FGF14: variants seen among roughly 807,000 people sequenced by gnomAD.
FGF14 encodes fibroblast growth factor homologous factor 4.
FGF14 carries 5 observed loss-of-function variants against 25.5 expected under a neutral mutation model. The observed-to-expected ratio is 0.20, with a 90% confidence interval of 0.10 to 0.41. The LOEUF (loss-of-function observed/expected upper bound fraction) is 0.41. Ranked by LOEUF, FGF14 falls within the 10% of genes least tolerant of loss-of-function variation. The pLI is 1.00. For synonymous variants in FGF14, 138 were observed against 118.3 expected (o/e 1.17, Z -1.08); for missense variants, 222 against 320.1 (o/e 0.69, Z 2.34).
intron 1 of FGF14, among the ~76,000 whole-genome samples, chr13:102,172,833 G>A (rs994855599): frequency 3.3e-5 from 5 of 152,136 alleles, no homozygotes; most frequent in African/African-American, 1.2e-4. Flanking sequence ...TAGAGAGGTG[G>A]GGAGCCCCAG....
At chr13:101,857,362 G>C (rs911605826) in intron 3 of FGF14, among the ~76,000 whole-genome samples, 2 of 151,862 alleles carry the variant, frequency 1.3e-5, no homozygotes, top group Non-Finnish European at 2.9e-5. Context: ...AACCAATTAT[G>C]GTGCTTTTGT....
intron 1 of FGF14, among the ~76,000 whole-genome samples, chr13:102,398,414 TAATC>T (rs2058630164): frequency 6.6e-6 from 1 of 152,156 alleles, no homozygotes; most frequent in Non-Finnish European, 1.5e-5. Context: ...GAATTGGAAA[TAATC>T]AGTAAATTAT....
At position 101,826,230 on chromosome 13, in the gene FGF14, A is replaced by G. The variant is rs189236606; in HGVS notation, c.408+42495T>C. Among the ~76,000 whole-genome samples, 306 of 152,138 alleles carry G rather than the reference A, an allele frequency of 2.0e-3. 2 individuals are homozygous for G. The highest frequency in any genetic ancestry group is 7.0e-3 in the African/African-American group (289 of 41,536). ...TTTCTACCATTCTCTCAATGTTTCC[A>G]TATTTAAATACCATTTCACTAACCT... On this transcript the variant is annotated intron_variant, in intron 3 of 4. Transcript: ENST00000376143.
chr13:102,221,004 A>G (rs1299841918), intron 1 of FGF14, among the ~76,000 whole-genome samples: 1 of 152,250 alleles, frequency 6.6e-6, no homozygotes, highest in Non-Finnish European at 1.5e-5. Flanking sequence ...ACAGTTTAAG[A>G]GTACTCTGTA....
intron 3 of FGF14, among the ~76,000 whole-genome samples, chr13:101,811,079 G>A (rs985869238): frequency 1.5e-5 from 2 of 137,780 alleles, no homozygotes; most frequent in Admixed American, 8.2e-5. Context: ...GGAGTGGTGC[G>A]TTTGCTACAA....
In FGF14 at chr13:101,994,346, G is replaced by T. The variant is rs191365916; in HGVS notation, c.209-119050C>A. Among the ~76,000 whole-genome samples the T allele has an allele frequency of 3.2e-3, 484 of 152,020 alleles. 1 individual carries two copies. Among genetic ancestry groups the T allele is most frequent in the African/African-American group, 0.011 (443 of 41,534 alleles). On this transcript the variant is annotated intron_variant, in intron 1 of 4. Transcript: ENST00000376131. ...GTATATACCTATTTTATTTGTTGTA[G>T]ATTTGGTTTTACAGCAAAGGTCTTG...
chr13:101,887,343 T>C (rs897451837), intron 1 of FGF14, among the ~76,000 whole-genome samples: 4 of 151,070 alleles, frequency 2.6e-5, no homozygotes, highest in Non-Finnish European at 4.4e-5. Flanking sequence ...TATATATATA[T>C]ATACACACAC....
Position 101,996,704 on chromosome 13 carries a change from G to A in FGF14, c.209-121408C>T, listed in dbSNP as rs76520739. ...TAGTTTGTAAGTAAGTTAGGAATTG[G>A]TGGTCAGTAAATAAAAGGCATTCCT... On this transcript the variant is annotated intron_variant, in intron 1 of 4. Transcript: ENST00000376131. Among the ~76,000 whole-genome samples, 1,135 of 152,196 alleles carry A rather than the reference G, an allele frequency of 7.5e-3. 15 individuals are homozygous for A. The highest frequency in any genetic ancestry group is 0.026 in the African/African-American group (1,063 of 41,526).
chr13:102,103,619 C>A (rs2044763138), intron 1 of FGF14, among the ~76,000 whole-genome samples: 1 of 152,120 alleles, frequency 6.6e-6, no homozygotes, highest in Middle Eastern at 3.2e-3. Flanking sequence ...TAACTTGCTA[C>A]AAATGCAAAG....
chr13:102,370,458 T>A (rs1398084814), intron 1 of FGF14, among the ~76,000 whole-genome samples: 1 of 152,090 alleles, frequency 6.6e-6, no homozygotes, highest in Non-Finnish European at 1.5e-5. Flanking sequence ...TGTTATGAGA[T>A]GGGGTCTCAC....
chr13:102,116,365 T>C (rs1246242365), intron 1 of FGF14, among the ~76,000 whole-genome samples: 1 of 152,094 alleles, frequency 6.6e-6, no homozygotes, highest in Non-Finnish European at 1.5e-5. Flanking sequence ...GGTGTGTGTG[T>C]GCGTAGTATA....
intron 1 of FGF14, among the ~76,000 whole-genome samples, chr13:102,281,238 G>A (rs2053818546): frequency 6.6e-6 from 1 of 152,170 alleles, no homozygotes; most frequent in African/African-American, 2.4e-5. Context: ...CCTGTATGCA[G>A]GCTCTGAGTA....
intron 3 of FGF14, among the ~76,000 whole-genome samples, chr13:101,746,551 G>C (rs1013140430): frequency 7.9e-5 from 12 of 151,954 alleles, no homozygotes; most frequent in Non-Finnish European, 1.5e-4. Context: ...GTTAAGAATT[G>C]TTGCTCTAAG....
intron 1 of FGF14, among the ~76,000 whole-genome samples, chr13:101,972,729 G>A (rs933124452): frequency 3.9e-5 from 6 of 151,910 alleles, no homozygotes; most frequent in Middle Eastern, 3.4e-3. Flanking sequence ...GGCAGGTCTC[G>A]AACTCCCCAG....
At chr13:101,797,773 G>GTGTGTGTGTGCA (rs2040631483) in intron 3 of FGF14, among the ~76,000 whole-genome samples, 1 of 128,104 alleles carries the variant, frequency 7.8e-6, no homozygotes, top group Non-Finnish European at 1.7e-5. Context: ...GTGTGTGTGT[G>GTGTGTGTGTGCA]TGTGTGTGTT....
chr13:101,903,917 T>G (rs1262123185), intron 1 of FGF14, among the ~76,000 whole-genome samples: 1 of 152,180 alleles, frequency 6.6e-6, no homozygotes, highest in Non-Finnish European at 1.5e-5. Context: ...ATAGATTGCA[T>G]AGTGTTGAAG....
chr13:102,301,455 A>G (rs1356098964), intron 1 of FGF14, among the ~76,000 whole-genome samples: 1 of 152,216 alleles, frequency 6.6e-6, no homozygotes, highest in African/African-American at 2.4e-5. Context: ...GGAAACACCA[A>G]ATAAAACATG....
chr13:102,206,770 T>C (rs992124123), intron 1 of FGF14, among the ~76,000 whole-genome samples: 23 of 152,174 alleles, frequency 1.5e-4, no homozygotes, highest in Non-Finnish European at 1.5e-5. Context: ...AAATATCACG[T>C]GAATCAATAG....
At chr13:101,745,453 T>C (rs553119897) in intron 3 of FGF14, among the ~76,000 whole-genome samples, 1 of 152,208 alleles carries the variant, frequency 6.6e-6, no homozygotes, top group African/African-American at 2.4e-5. Context: ...ATTACTATTA[T>C]AGTATCACAA....
Sources: gnomAD v4.1 joint callset for allele counts (sites outside exome capture counted in the v4.1 genomes callset) on GRCh38, gnomAD v4.1.1 for gene constraint, MANE v1.5 for transcripts, NCBI Gene and HGNC (gene_info 2026-07-23, HGNC 2026-07-21) for gene names.